Variants in SNAPC5 observed in about 807,000 individuals in gnomAD.
The protein encoded by SNAPC5 is snRNA-activating protein complex subunit 5.
SNAPC5 carries 12 observed loss-of-function variants against 9.1 expected under a neutral mutation model. The observed-to-expected ratio is 1.32, with a 90% CI of 0.85 to 2.15. The LOEUF is 2.15. Ranked by LOEUF, SNAPC5 falls within the 30% of genes most tolerant of loss-of-function variation. SNAPC5 has a pLI of 0.00. For synonymous variants in SNAPC5, 52 were observed against 47.3 expected (o/e 1.10, Z -0.41); for missense variants, 132 against 114.4 (o/e 1.15, Z -0.70).
rs900885505 is a variant in SNAPC5 at position 66,494,800 on chromosome 15, G to A, written c.181-248C>T. On this transcript the variant is annotated intron_variant, in intron 2 of 2. Coordinates refer to ENST00000316634, the MANE Select transcript of SNAPC5 (RefSeq NM_001329615.2). ...TATTACACAAAGCTCCATAAGATTT[G>A]TGCCAACTTACATGTGCTGCTGTAT... The A allele has an allele frequency of 5.1e-5, 22 of 432,154 alleles. No homozygotes were observed. The South Asian group carries it at 7.0e-4, about 14-fold the overall frequency. The allele number at this position is 432,154 out of a possible 1,614,324, so 26.8% of individuals were successfully genotyped here.
chr15:66,491,486 A>C (rs1948531191), downstream of SNAPC5: 1 of 210,368 alleles, frequency 4.8e-6, no homozygotes, highest in African/African-American at 2.3e-5. Context: ...ATGTTTAACA[A>C]ATCTAATCTC....
At chr15:66,491,944 C>T (rs1595890432), downstream of SNAPC5, 2 of 456,340 alleles carry the variant, frequency 4.4e-6, no homozygotes, top group East Asian at 1.4e-4. Context: ...GAGGGCCTGC[C>T]TGCACTTTTA....
rs1173546700 is a variant in SNAPC5 at position 66,495,424 on chromosome 15, A to G, written c.91-5T>C. On this transcript the variant is annotated splice_polypyrimidine_tract_variant and splice_region_variant and intron_variant, in intron 1 of 2. Coordinates refer to ENST00000316634, the MANE Select transcript of SNAPC5 (RefSeq NM_001329615.2). ...TTGGAGGGCTAATTCTTCAACCTAG[A>G]AAAGAAGAGTTGAGGACACTTTTCC... 1.3e-6 allele frequency: 2 copies of G among 1,554,448 alleles called. No homozygotes were observed. Among genetic ancestry groups the G allele is most frequent in the African/African-American group, 2.7e-5 (2 of 73,746 alleles).
chr15:66,492,145 G>T, downstream of SNAPC5: 2 of 440,254 alleles, frequency 4.5e-6, no homozygotes, highest in Non-Finnish European at 9.2e-6. Context: ...TGTCATGCCT[G>T]TGAGGTGGCA....
At chr15:66,490,103 C>T (rs138889457), downstream of SNAPC5, 554 of 526,908 alleles carry the variant, frequency 1.1e-3, 3 homozygotes, top group East Asian at 0.017. Context: ...AGTCACTCTC[C>T]GCCTGCTGTC....
Position 66,494,327 on chromosome 15 carries a change from C to CT in SNAPC5, c.*108dup. ...CATCCTCCTTATAGTTCTTGCTTTC[C>CT]TTTCAAGCAGATCACAGGGCCCAGG... On this transcript the variant is annotated 3_prime_UTR_variant, in exon 3 of 3. Transcript: ENST00000316634. 1 of 754,988 alleles carries CT rather than the reference C, an allele frequency of 1.3e-6. No homozygotes were observed. The highest frequency in any genetic ancestry group is 2.2e-6 in the Non-Finnish European group (1 of 447,574). The allele number at this position is 754,988 out of a possible 1,614,324, so 46.8% of individuals were successfully genotyped here.
At chr15:66,490,452 GT>G (rs756730939), downstream of SNAPC5, 2 of 1,384,602 alleles carry the variant, frequency 1.4e-6, no homozygotes, top group Non-Finnish European at 2.1e-6. Flanking sequence ...GGTGGGTTTT[GT>G]TTTTTTGTTT....
At chr15:66,495,706 T>C (rs1370998177) in intron 1 of SNAPC5, among the ~76,000 whole-genome samples, 1 of 151,466 alleles carries the variant, frequency 6.6e-6, no homozygotes, top group African/African-American at 2.4e-5. Flanking sequence ...AAGTGTGTCA[T>C]TAAAACAGCC....
chr15:66,496,756 C>A (rs1460891657), intron 1 of SNAPC5, among the ~76,000 whole-genome samples: 1 of 151,860 alleles, frequency 6.6e-6, no homozygotes, highest in East Asian at 1.9e-4. Context: ...TTTGGAAGGC[C>A]GAGGCGGGCT....
At position 66,495,531 on chromosome 15, in the gene SNAPC5, T is replaced by C; in HGVS notation, c.91-112A>G. 16 of 687,676 alleles carry C rather than the reference T, an allele frequency of 2.3e-5. No individual in the cohort carries two copies. In the South Asian group the frequency reaches 2.6e-4, roughly 11 times the overall value. 42.6% of individuals were successfully genotyped at this position (687,676 alleles called of 1,614,324 possible). Reference sequence around the variant, plus strand: ...TTGCATCAAGAGAGGGAATGAAAACTATCTCTGTGTTGCTCTAGAGGGAAA... The same window carrying C: ...TTGCATCAAGAGAGGGAATGAAAACCATCTCTGTGTTGCTCTAGAGGGAAA... On this transcript the variant is annotated intron_variant, in intron 1 of 2. Coordinates refer to ENST00000316634, the MANE Select transcript of SNAPC5 (RefSeq NM_001329615.2).
chr15:66,490,508 GCTTT>G, downstream of SNAPC5: 1 of 1,612,026 alleles, frequency 6.2e-7, no homozygotes, highest in Non-Finnish European at 8.5e-7. Flanking sequence ...GCAGGTTCAT[GCTTT>G]TATCAAGAGA....
At chr15:66,489,809 T>G, downstream of SNAPC5, 2 of 1,476,880 alleles carry the variant, frequency 1.4e-6, no homozygotes, top group South Asian at 2.3e-5. Flanking sequence ...TTTATTCATT[T>G]GTTCTTCTCT....
downstream of SNAPC5, chr15:66,490,355 C>A (rs1221279074): frequency 9.4e-6 from 7 of 744,448 alleles, no homozygotes; most frequent in Admixed American, 1.1e-4. Context: ...CTGCAGCTGG[C>A]CCCACTGTTG....
At chr15:66,496,452 C>T (rs1235602169) in intron 1 of SNAPC5, among the ~76,000 whole-genome samples, 2 of 149,290 alleles carry the variant, frequency 1.3e-5, no homozygotes, top group East Asian at 2.0e-4. Flanking sequence ...GCAACAAGAG[C>T]GAAACTCTGT....
chr15:66,495,265 C>A (rs1380107620), intron 2 of SNAPC5, 65 bp downstream of exon 2: 1 of 953,468 alleles, frequency 1.0e-6, no homozygotes, highest in Admixed American at 1.7e-5. Context: ...TCTTCACCAC[C>A]CAAGCAGCAT....
downstream of SNAPC5, chr15:66,492,116 A>G: frequency 2.2e-6 from 1 of 453,582 alleles, no homozygotes; most frequent in Non-Finnish European, 4.4e-6. Context: ...GAAAGGAGGA[A>G]TGTGCCTGGC....
At chr15:66,494,579 T>C (rs1242159968) in intron 2 of SNAPC5, 27 bp from the exon 3 acceptor site, 2 of 1,528,084 alleles carry the variant, frequency 1.3e-6, no homozygotes, top group East Asian at 4.5e-5. Context: ...CATCACAGAT[T>C]AGCAGGAAAG....
chr15:66,491,832 A>G, downstream of SNAPC5: 2 of 405,290 alleles, frequency 4.9e-6, no homozygotes, highest in Non-Finnish European at 9.8e-6. Flanking sequence ...TATACAAGGG[A>G]AAAGCAGCTG....
chr15:66,497,394 A>G lies in SNAPC5; in HGVS notation c.90+248T>C, dbSNP rs956678267. The G allele has an allele frequency of 1.2e-5, 7 of 595,902 alleles. No individual in the cohort carries two copies. The South Asian group carries it at 1.4e-4, about 12-fold the overall frequency. 36.9% of individuals were successfully genotyped at this position (595,902 alleles called of 1,614,324 possible). ...GCAGGTAGGACTGCACTTGCCAAAC[A>G]CAGATCCCTGAGCCTCACCCTAGAC... On this transcript the variant is annotated intron_variant, in intron 1 of 2. Transcript: ENST00000316634.
Sources: gnomAD v4.1 joint callset for allele counts (sites outside exome capture counted in the v4.1 genomes callset) on GRCh38, gnomAD v4.1.1 for gene constraint, MANE v1.5 for transcripts, NCBI Gene and HGNC (gene_info 2026-07-23, HGNC 2026-07-21) for gene names.